ZC2HC1A: variants seen among roughly 807,000 people sequenced by gnomAD.
The protein encoded by ZC2HC1A is zinc finger C2HC-type containing 1A, also known as zinc finger C2HC domain-containing protein 1A.
A neutral mutation model predicts 40.7 loss-of-function variants in ZC2HC1A; 28 were observed. The observed-to-expected ratio is 0.69, with a 90% CI of 0.51 to 0.94. ZC2HC1A has a LOEUF of 0.94. ZC2HC1A is among the 40% of genes least tolerant of loss of function. The pLI, the probability that ZC2HC1A is intolerant of heterozygous loss-of-function variation, is 0.00. For synonymous variants in ZC2HC1A, 129 were observed against 129.2 expected (o/e 1.00, Z 0.01); for missense variants, 389 against 386.3 (o/e 1.01, Z -0.06).
chr8:78,689,654 A>G (rs927100568), intron 5 of ZC2HC1A, among the ~76,000 whole-genome samples: 3 of 151,878 alleles, frequency 2.0e-5, no homozygotes, highest in African/African-American at 4.8e-5. Context: ...TAAAAACATT[A>G]TATATATGTA....
At chr8:78,668,256 A>G (rs1259502375) in intron 1 of ZC2HC1A, among the ~76,000 whole-genome samples, 1 of 152,140 alleles carries the variant, frequency 6.6e-6, no homozygotes, top group Admixed American at 6.5e-5. Context: ...CTTTCATTCT[A>G]GAAACATTGA....
At position 78,689,389 on chromosome 8, in the gene ZC2HC1A, A is replaced by G. The variant is rs768463430; in HGVS notation, c.504+16A>G. On this transcript the variant is annotated intron_variant, in intron 5 of 8. Transcript: ENST00000263849. ...GACACAGGTGGTAAGTTCAGTTTTA[A>G]TAATTGCTATAAACGAGAAAATGGC... The G allele has an allele frequency of 5.8e-6, 9 of 1,549,266 alleles. No homozygotes were observed. The highest frequency in any genetic ancestry group is 5.0e-5 in the South Asian group (4 of 79,504).
At chr8:78,716,925 T>C (rs2130620428) in intron 8 of ZC2HC1A, among the ~76,000 whole-genome samples, 1 of 152,274 alleles carries the variant, frequency 6.6e-6, no homozygotes, top group East Asian at 1.9e-4. Context: ...ATGTAAGACA[T>C]GCTTGCTTCC....
intron 3 of ZC2HC1A, among the ~76,000 whole-genome samples, chr8:78,680,274 G>A (rs192275701): frequency 6.3e-5 from 8 of 127,490 alleles, no homozygotes; most frequent in East Asian, 2.3e-4. Context: ...GCGACAGAGC[G>A]AGACTCCGTC....
chr8:78,712,278 A>G (rs754868670), intron 7 of ZC2HC1A, among the ~76,000 whole-genome samples: 6 of 152,184 alleles, frequency 3.9e-5, no homozygotes, highest in Non-Finnish European at 7.4e-5. Flanking sequence ...ATTTTTAGTA[A>G]GCATTTCTGT....
chr8:78,683,594 C>T (rs942545122), intron 3 of ZC2HC1A, among the ~76,000 whole-genome samples: 23 of 152,126 alleles, frequency 1.5e-4, no homozygotes, highest in African/African-American at 4.6e-4. Context: ...CCTTCTAGGC[C>T]TCTGAACCTG....
At chr8:78,667,050 C>T (rs1196617356) in intron 1 of ZC2HC1A, among the ~76,000 whole-genome samples, 1 of 152,182 alleles carries the variant, frequency 6.6e-6, no homozygotes, top group Non-Finnish European at 1.5e-5. Flanking sequence ...TAGCTCCTTT[C>T]CCCCGTCTCC....
chr8:78,716,208 T>C (rs1190091186), intron 8 of ZC2HC1A, among the ~76,000 whole-genome samples: 2 of 151,476 alleles, frequency 1.3e-5, no homozygotes, highest in East Asian at 4.0e-4. Context: ...CTGCAAGCTG[T>C]GCCTCCCAGG....
chr8:78,676,480 GA>G lies in ZC2HC1A; in HGVS notation c.93+619del, dbSNP rs1208789462. Among the ~76,000 whole-genome samples, 3 of 151,778 alleles carry G rather than the reference GA, an allele frequency of 2.0e-5. No homozygotes were observed. The East Asian group carries it at 5.8e-4, about 29-fold the overall frequency. The stretch of plus-strand genomic sequence containing the variant: ...TAATAAAGTTAGCTAACTAAATAGG[GA>G]ATAATAAAAATTATGCCTATGTACC... On this transcript the variant is annotated intron_variant, in intron 2 of 8. Transcript: ENST00000263849.
At chr8:78,684,444 G>T (rs749776564) in intron 3 of ZC2HC1A, among the ~76,000 whole-genome samples, 1 of 152,164 alleles carries the variant, frequency 6.6e-6, no homozygotes, top group Admixed American at 6.5e-5. Context: ...GGAGAAACCT[G>T]CCCCCGTGAT....
chr8:78,714,991 T>C (rs1811055606), intron 7 of ZC2HC1A, among the ~76,000 whole-genome samples: 1 of 152,184 alleles, frequency 6.6e-6, no homozygotes, highest in Admixed American at 6.5e-5. Flanking sequence ...ATATACATAT[T>C]TTAGTTGATT....
At chr8:78,684,471 G>C (rs544983812) in intron 3 of ZC2HC1A, among the ~76,000 whole-genome samples, 1 of 152,182 alleles carries the variant, frequency 6.6e-6, no homozygotes, top group African/African-American at 2.4e-5. Flanking sequence ...ACCTCCTACC[G>C]AGTACCCCCA....
chr8:78,668,450 G>A (rs761437896), intron 1 of ZC2HC1A, among the ~76,000 whole-genome samples: 4 of 152,070 alleles, frequency 2.6e-5, no homozygotes, highest in Non-Finnish European at 5.9e-5. Context: ...GTTGAAACCA[G>A]TTACCAGACA....
intron 2 of ZC2HC1A, 28 bp downstream of exon 2, chr8:78,675,891 G>A (rs1395841244): frequency 6.4e-7 from 1 of 1,564,618 alleles, no homozygotes; most frequent in Non-Finnish European, 8.8e-7. Context: ...GTACCTTTAT[G>A]GTTTTACAGA....
In ZC2HC1A at chr8:78,698,472, C is replaced by G. The variant is rs201695053; in HGVS notation, c.663C>G (p.Thr221=). The change falls in exon 7 of 9, where the codon ACC becomes ACG. Residue 221 remains threonine (T), a synonymous_variant. Transcript: ENST00000263849. ...GCTCTTTGGGAAACAAACTTCAGACCTTATCTCCCTCTCATAAAGGGATAG... is the reference window on the plus strand; with the variant it reads ...GCTCTTTGGGAAACAAACTTCAGACGTTATCTCCCTCTCATAAAGGGATAG... ...SSSSLGNKLQ[T]LSPSHKGIAA... 1.4e-5 allele frequency: 22 copies of G among 1,613,054 alleles called. No homozygotes were observed. In the South Asian group the frequency reaches 1.5e-4, roughly 11 times the overall value.
intron 7 of ZC2HC1A, among the ~76,000 whole-genome samples, chr8:78,713,091 G>GC (rs1810999106): frequency 1.3e-5 from 2 of 152,252 alleles, no homozygotes; most frequent in South Asian, 4.1e-4. Flanking sequence ...ACAGTGACTA[G>GC]CAGTAAGATG....
intron 5 of ZC2HC1A, among the ~76,000 whole-genome samples, chr8:78,690,886 GT>G (rs2130510137): frequency 6.6e-6 from 1 of 151,986 alleles, no homozygotes; most frequent in African/African-American, 2.4e-5. Flanking sequence ...ATTTTTAGTT[GT>G]TTTTTGCTTG....
chr8:78,685,809 CTG>C (rs1433738241), intron 3 of ZC2HC1A: 1 of 152,198 alleles, frequency 6.6e-6, no homozygotes, highest in Non-Finnish European at 1.5e-5. Context: ...GGGAAATACA[CTG>C]TGTTAGTCTC....
At chr8:78,699,321 T>C (rs1271734162) in intron 7 of ZC2HC1A, among the ~76,000 whole-genome samples, 1 of 152,152 alleles carries the variant, frequency 6.6e-6, no homozygotes, top group Non-Finnish European at 1.5e-5. Flanking sequence ...GAGCCATATA[T>C]TTTTAGAAAT....
Sources: gnomAD v4.1 joint callset for allele counts (sites outside exome capture counted in the v4.1 genomes callset) on GRCh38, gnomAD v4.1.1 for gene constraint, MANE v1.5 for transcripts, NCBI Gene and HGNC (gene_info 2026-07-23, HGNC 2026-07-21) for gene names.